C12orf42: variants seen among roughly 807,000 people sequenced by gnomAD.
C12orf42 encodes the protein chromosome 12 open reading frame 42, also known as uncharacterized protein C12orf42.
Under a neutral mutation model 21.6 loss-of-function variants are expected in C12orf42, and 25 were observed. That is an observed-to-expected ratio of 1.16 (90% CI 0.84 to 1.62). The LOEUF (loss-of-function observed/expected upper bound fraction) is 1.62. Among genes scored for constraint, C12orf42 ranks in the 40% most tolerant of loss-of-function variants. The pLI is 0.00. For synonymous variants in C12orf42, 174 were observed against 175.0 expected (o/e 0.99, Z 0.05); for missense variants, 483 against 459.3 (o/e 1.05, Z -0.47).
chr12:103,368,797 C>G, intron 4 of C12orf42, 90 bp downstream of exon 4: 1 of 667,544 alleles, frequency 1.5e-6, no homozygotes, highest in South Asian at 2.4e-5. Context: ...CACAACTGTT[C>G]TTCAATACAA....
At chr12:103,226,558 C>T in the C12orf42 span, among the ~76,000 whole-genome samples, 1 of 152,098 alleles carries the variant, frequency 6.6e-6, no homozygotes, top group African/African-American at 2.4e-5. Context: ...TTGACTATGC[C>T]GTTAGCTCCA....
intron 2 of C12orf42, among the ~76,000 whole-genome samples, chr12:103,409,295 A>G (rs2048649273): frequency 6.6e-6 from 1 of 152,180 alleles, no homozygotes; most frequent in African/African-American, 2.4e-5. Flanking sequence ...AGAAGCATCA[A>G]AGAGGTTATC....
At chr12:103,540,927 G>A in the C12orf42 span, among the ~76,000 whole-genome samples, 2 of 151,336 alleles carry the variant, frequency 1.3e-5, no homozygotes, top group African/African-American at 2.4e-5. Flanking sequence ...TTTTAAAGAC[G>A]AAGTCCTGCT....
rs1259658761 is a variant in C12orf42, at chr12:103,294,561, G to A, written n.338-17351C>T. Among the ~76,000 whole-genome samples, 28 of 76,440 alleles carry A rather than the reference G, an allele frequency of 3.7e-4. No homozygotes were observed. In the South Asian group the frequency reaches 6.6e-3, roughly 18 times the overall value. The allele number at this position is 76,440 out of a possible 152,430, so 50.1% of individuals were successfully genotyped here. A position where few individuals can be genotyped will look rare whatever the true frequency, so the allele number is the denominator to read the frequency against. On this transcript the variant is annotated intron_variant and non_coding_transcript_variant, in intron 4 of 6. Coordinates refer to the C12orf42 transcript ENST00000546526. ...AGCAAGCAAGAAAGAAAGAAAGAAA[G>A]AAAAAGAAAGGAAGGAAGGAAGGAA... is the stretch of plus-strand genomic sequence containing the variant.
intron 2 of C12orf42, among the ~76,000 whole-genome samples, chr12:103,462,812 C>A (rs758903931): frequency 3.9e-5 from 6 of 152,178 alleles, no homozygotes; most frequent in Non-Finnish European, 8.8e-5. Flanking sequence ...ACTCATTAAA[C>A]CCTATCTGTG....
chr12:103,190,198 G>A, the C12orf42 span, among the ~76,000 whole-genome samples: 1 of 152,190 alleles, frequency 6.6e-6, no homozygotes, highest in African/African-American at 2.4e-5. Context: ...GGCAACCCCT[G>A]GAGTCTAATG....
the C12orf42 span, among the ~76,000 whole-genome samples, chr12:103,072,735 A>C: frequency 6.6e-6 from 1 of 152,164 alleles, no homozygotes; most frequent in South Asian, 2.1e-4. Flanking sequence ...ACAGTGTATA[A>C]GCGTATCTTT....
the C12orf42 span, among the ~76,000 whole-genome samples, chr12:103,100,019 C>A: frequency 4.6e-5 from 7 of 152,078 alleles, no homozygotes; most frequent in African/African-American, 7.2e-5. Flanking sequence ...GCCACACCTG[C>A]AATTTTTTTG....
chr12:103,154,179 G>A, the C12orf42 span, among the ~76,000 whole-genome samples: 1 of 152,132 alleles, frequency 6.6e-6, no homozygotes, highest in Non-Finnish European at 1.5e-5. Context: ...GTAGAAGGCA[G>A]GTGATTGGAT....
the C12orf42 span, among the ~76,000 whole-genome samples, chr12:103,062,577 T>G: frequency 2.6e-5 from 4 of 152,128 alleles, 1 homozygote; most frequent in African/African-American, 9.6e-5. Context: ...TTATTTCTAA[T>G]TATTTTGCCG....
the C12orf42 span, among the ~76,000 whole-genome samples, chr12:103,541,903 C>T: frequency 6.6e-6 from 1 of 152,130 alleles, no homozygotes; most frequent in Non-Finnish European, 1.5e-5. Flanking sequence ...GTGATGGTTA[C>T]TGCTCACCAG....
At chr12:103,070,535 CACACACA>C in the C12orf42 span, among the ~76,000 whole-genome samples, 3 of 151,752 alleles carry the variant, frequency 2.0e-5, no homozygotes, top group Admixed American at 6.6e-5. Flanking sequence ...CACACACACA[CACACACA>C]CCCGACACAG....
At chr12:103,549,530 T>G in the C12orf42 span, 2 of 152,130 alleles carry the variant, frequency 1.3e-5, no homozygotes, top group East Asian at 3.9e-4. Flanking sequence ...GCCTGACAGA[T>G]AGATGACTTT....
intron 1 of C12orf42, among the ~76,000 whole-genome samples, chr12:103,488,815 C>T (rs754251922): frequency 6.6e-6 from 1 of 152,150 alleles, no homozygotes; most frequent in Non-Finnish European, 1.5e-5. Flanking sequence ...CACTTAAGGT[C>T]TTCTCTACAC....
the C12orf42 span, among the ~76,000 whole-genome samples, chr12:103,212,045 A>G: frequency 6.6e-6 from 1 of 152,186 alleles, no homozygotes; most frequent in African/African-American, 2.4e-5. Flanking sequence ...AGCTCTTATA[A>G]TATTTGATTC....
Position 103,301,998 on chromosome 12 carries a change from G to T in C12orf42, c.*110C>A. The T allele has an allele frequency of 8.1e-7, 1 of 1,233,204 alleles. No homozygotes were observed. The highest frequency in any genetic ancestry group is 1.1e-6 in the Non-Finnish European group (1 of 884,186). 76.4% of individuals were successfully genotyped at this position (1,233,204 alleles called of 1,614,324 possible). On this transcript the variant is annotated 3_prime_UTR_variant, in exon 6 of 6. Coordinates refer to ENST00000548883, the MANE Select transcript of C12orf42 (RefSeq NM_198521.5). ...TTAGGTTCAAAAATGCTTCACAAAAGCCTAACAATGGTTCTGTGGAAACCA... is the reference window on the plus strand; with the variant it reads ...TTAGGTTCAAAAATGCTTCACAAAATCCTAACAATGGTTCTGTGGAAACCA...
At chr12:103,219,331 A>G in the C12orf42 span, among the ~76,000 whole-genome samples, 1 of 152,232 alleles carries the variant, frequency 6.6e-6, no homozygotes, top group South Asian at 2.1e-4. Flanking sequence ...AGGCAATACC[A>G]TTCAGGATAT....
the C12orf42 span, among the ~76,000 whole-genome samples, chr12:103,512,699 A>C: frequency 6.6e-6 from 1 of 152,272 alleles, no homozygotes; most frequent in East Asian, 1.9e-4. Context: ...TTAGGGGAGA[A>C]GTTGATCCTT....
the C12orf42 span, among the ~76,000 whole-genome samples, chr12:103,144,522 G>T: frequency 6.6e-6 from 1 of 152,226 alleles, no homozygotes; most frequent in African/African-American, 2.4e-5. Context: ...GTTTTCTGAT[G>T]CCGCCGTGGG....
Sources: gnomAD v4.1 joint callset for allele counts (sites outside exome capture counted in the v4.1 genomes callset) on GRCh38, gnomAD v4.1.1 for gene constraint, MANE v1.5 for transcripts, NCBI Gene and HGNC (gene_info 2026-07-23, HGNC 2026-07-21) for gene names.